SCFD2: variants seen among roughly 807,000 people sequenced by gnomAD.
SCFD2 encodes sec1 family domain-containing protein 2.
SCFD2 carries 54 observed loss-of-function variants against 58.9 expected under a neutral mutation model. The ratio of observed to expected loss-of-function variants is 0.92; its 90% CI spans 0.74 to 1.15. The LOEUF (loss-of-function observed/expected upper bound fraction) is 1.15, where lower values mean the gene tolerates loss of function less well. Among genes scored for constraint, SCFD2 ranks in the 50% most tolerant of loss-of-function variants. The pLI is 0.00. For synonymous variants in SCFD2, 321 were observed against 335.9 expected, an observed-to-expected ratio of 0.96 and a Z score of 0.49; for missense variants, 805 against 836.6, an observed-to-expected ratio of 0.96 and a Z score of 0.47.
chr4:53,233,437 A>G lies in SCFD2; in HGVS notation c.1311+40389T>C, dbSNP rs181340596. ...CTTCAGTCACTGGCATAAGGTGTGT[A>G]TTTGAAACTTTTTTAGTAAACCCAT... On this transcript the variant is annotated intron_variant, in intron 4 of 8. Transcript: ENST00000401642. Among the ~76,000 whole-genome samples the G allele has an allele frequency of 5.3e-5, 8 of 152,336 alleles. No individual in the cohort carries two copies. In the East Asian group the frequency reaches 1.5e-3, roughly 29 times the overall value.
chr4:53,335,194 CA>C (rs56344451), intron 2 of SCFD2, among the ~76,000 whole-genome samples: 16,554 of 79,658 alleles, frequency 0.21, 393 homozygotes, highest in East Asian at 0.23. Context: ...GACTCCGTCT[CA>C]AAAAAAAAAA....
chr4:52,921,749 GAC>G (rs1719741591), intron 5 of SCFD2, among the ~76,000 whole-genome samples: 1 of 152,052 alleles, frequency 6.6e-6, no homozygotes, highest in East Asian at 1.9e-4. Flanking sequence ...TGTGTATTCC[GAC>G]TGCTTCCTAC....
chr4:53,237,342 A>G (rs1729660966), intron 4 of SCFD2, among the ~76,000 whole-genome samples: 1 of 151,722 alleles, frequency 6.6e-6, no homozygotes, highest in African/African-American at 2.4e-5. Flanking sequence ...CCCGTTCTCA[A>G]TGAGCTGTTG....
intron 5 of SCFD2, among the ~76,000 whole-genome samples, chr4:52,973,841 A>G (rs545119276): frequency 1.2e-4 from 18 of 152,302 alleles, no homozygotes; most frequent in African/African-American, 4.1e-4. Context: ...GGCTTCATCC[A>G]TGGGATGCAA....
chr4:53,205,317 C>T (rs1728373230), intron 4 of SCFD2, among the ~76,000 whole-genome samples: 1 of 151,908 alleles, frequency 6.6e-6, no homozygotes, highest in Non-Finnish European at 1.5e-5. Context: ...CTGGATGTGC[C>T]CCATCAAATA....
chr4:53,225,433 T>C (rs1268659301), intron 4 of SCFD2, among the ~76,000 whole-genome samples: 2 of 152,226 alleles, frequency 1.3e-5, no homozygotes, highest in Non-Finnish European at 2.9e-5. Context: ...TTAAAAATCA[T>C]TTTTTCTGTT....
chr4:53,263,162 T>A (rs1170080183), intron 4 of SCFD2, among the ~76,000 whole-genome samples: 1 of 152,092 alleles, frequency 6.6e-6, no homozygotes, highest in Non-Finnish European at 1.5e-5. Flanking sequence ...ATATCCTATA[T>A]CATATTTTTG....
At chr4:53,343,080 C>T (rs1240244057) in intron 2 of SCFD2, among the ~76,000 whole-genome samples, 1 of 152,008 alleles carries the variant, frequency 6.6e-6, no homozygotes, top group Non-Finnish European at 1.5e-5. Flanking sequence ...CATTCAAAAG[C>T]TAGAAGAAGG....
At chr4:53,312,635 TTTCTTCC>T (rs1385847261) in intron 3 of SCFD2, among the ~76,000 whole-genome samples, 2 of 152,222 alleles carry the variant, frequency 1.3e-5, no homozygotes, top group Non-Finnish European at 1.5e-5. Flanking sequence ...CTGTAACATT[TTTCTTCC>T]TAGATTCATC....
At chr4:52,884,394 A>T (rs1444741066) in intron 8 of SCFD2, among the ~76,000 whole-genome samples, 3 of 151,720 alleles carry the variant, frequency 2.0e-5, no homozygotes, top group Admixed American at 1.3e-4. Flanking sequence ...CCCAGAGTCA[A>T]GTCTCAACCT....
chr4:53,068,264 A>G (rs1723719991), intron 5 of SCFD2, among the ~76,000 whole-genome samples: 1 of 152,146 alleles, frequency 6.6e-6, no homozygotes, highest in Non-Finnish European at 1.5e-5. Context: ...GTTTCTAAAG[A>G]GTCTGTTTAA....
intron 5 of SCFD2, among the ~76,000 whole-genome samples, chr4:53,088,508 G>A (rs1724378022): frequency 6.6e-6 from 1 of 152,230 alleles, no homozygotes; most frequent in Admixed American, 6.5e-5. Context: ...AGTTTGGCTT[G>A]TAGCCTGGAC....
chr4:52,959,894 T>TG (rs1720804420), intron 5 of SCFD2, among the ~76,000 whole-genome samples: 1 of 102,878 alleles, frequency 9.7e-6, no homozygotes, highest in African/African-American at 4.5e-5. Context: ...GACTCCAAAT[T>TG]GAAACACACA....
intron 5 of SCFD2, among the ~76,000 whole-genome samples, chr4:52,929,123 G>A (rs577745363): frequency 1.3e-5 from 2 of 152,184 alleles, no homozygotes; most frequent in Admixed American, 6.5e-5. Flanking sequence ...TAAACTATAC[G>A]TGGTTTAGGT....
Position 53,083,813 on chromosome 4 carries a change from C to A in SCFD2, c.1561+61520G>T, listed in dbSNP as rs527640404. Among the ~76,000 whole-genome samples, 3 of 152,062 alleles carry A rather than the reference C, an allele frequency of 2.0e-5. No individual in the cohort carries two copies. In the South Asian group the frequency reaches 6.2e-4, roughly 32 times the overall value. ...TTAAGGGTTTCAAAAGGGGAGGGGG[C>A]GTAAGAACAGAGAGTAGGTATAAAG... On this transcript the variant is annotated intron_variant, in intron 5 of 8. Transcript: ENST00000401642.
intron 4 of SCFD2, among the ~76,000 whole-genome samples, chr4:53,229,741 C>T (rs1002379005): frequency 6.6e-6 from 1 of 152,178 alleles, no homozygotes; most frequent in Non-Finnish European, 1.5e-5. Flanking sequence ...ACACCAAAAG[C>T]AATGGCAACA....
At chr4:53,089,871 T>A (rs1006523870) in intron 5 of SCFD2, among the ~76,000 whole-genome samples, 2 of 152,184 alleles carry the variant, frequency 1.3e-5, no homozygotes, top group African/African-American at 4.8e-5. Context: ...CATCATTTCT[T>A]AAGATGTGAA....
At chr4:53,071,202 G>A (rs1040345500) in intron 5 of SCFD2, among the ~76,000 whole-genome samples, 7 of 152,132 alleles carry the variant, frequency 4.6e-5, no homozygotes, top group Non-Finnish European at 1.0e-4. Flanking sequence ...AAGAGAGGAG[G>A]AGCTTCAGTC....
chr4:53,098,922 A>T (rs1577725866), intron 5 of SCFD2, among the ~76,000 whole-genome samples: 4 of 151,806 alleles, frequency 2.6e-5, no homozygotes, highest in African/African-American at 9.7e-5. Context: ...CTTCTAACAT[A>T]CTCTATCATT....
Sources: allele counts gnomAD v4.1 joint callset (sites outside exome capture counted in the v4.1 genomes callset), GRCh38; gene constraint gnomAD v4.1.1; transcripts MANE v1.5; gene names NCBI Gene and HGNC (gene_info 2026-07-23, HGNC 2026-07-21).